The following CLIC5 variants were observed in gnomAD, a reference collection of about 807,000 sequenced individuals.
The protein encoded by CLIC5 is chloride intracellular channel protein 5.
Under a neutral mutation model 24.7 loss-of-function variants are expected in CLIC5, and 20 were observed. That is an observed-to-expected ratio of 0.81 (90% confidence interval 0.57 to 1.18). The LOEUF (loss-of-function observed/expected upper bound fraction) is 1.18. CLIC5 is among the 50% of genes most tolerant of loss of function. The pLI is 0.00. For missense variants in CLIC5, 341 were observed against 326.1 expected, an observed-to-expected ratio of 1.05 and a Z score of -0.35; for synonymous variants, 159 against 135.6, an observed-to-expected ratio of 1.17 and a Z score of -1.20.
chr6:46,052,941 G>A (rs916153150), intron 1 of CLIC5, among the ~76,000 whole-genome samples: 1 of 151,922 alleles, frequency 6.6e-6, no homozygotes, highest in Non-Finnish European at 1.5e-5. Context: ...TTATGATGTA[G>A]TACAGGACAC....
chr6:45,964,557 C>T (rs1363407708), intron 1 of CLIC5, among the ~76,000 whole-genome samples: 1 of 152,142 alleles, frequency 6.6e-6, no homozygotes, highest in African/African-American at 2.4e-5. Context: ...GGAACCTAGC[C>T]ACCATGTTGT....
At chr6:46,067,839 G>T (rs767000901) in intron 1 of CLIC5, among the ~76,000 whole-genome samples, 5 of 152,166 alleles carry the variant, frequency 3.3e-5, no homozygotes, top group Non-Finnish European at 7.4e-5. Flanking sequence ...GGCTGCCCAT[G>T]TCTGGGGGTT....
At chr6:45,965,635 C>T (rs1764992157) in intron 1 of CLIC5, among the ~76,000 whole-genome samples, 1 of 152,166 alleles carries the variant, frequency 6.6e-6, no homozygotes, top group Non-Finnish European at 1.5e-5. Context: ...CAATACAAAT[C>T]TATAGCCTCA....
Position 46,015,607 on chromosome 6 carries a change from G to A in CLIC5, c.-65C>T. 1 of 1,456,846 alleles carries A rather than the reference G, an allele frequency of 6.9e-7. No homozygotes were observed. Among genetic ancestry groups the A allele is most frequent in the Admixed American group, 2.6e-5 (1 of 37,826 alleles). 90.2% of individuals were successfully genotyped at this position (1,456,846 alleles called of 1,614,324 possible). ...CGCCACCTCTGCAGCACCTGGGCCA[G>A]CACTCTGCGCTCCTGCCGCTGCCCA... On this transcript the variant is annotated 5_prime_UTR_variant, in exon 1 of 6. Transcript: ENST00000339561.
chr6:46,108,806 T>C, the CLIC5 span, among the ~76,000 whole-genome samples: 3 of 152,190 alleles, frequency 2.0e-5, no homozygotes, highest in Non-Finnish European at 4.4e-5. Context: ...GAATGTTTTT[T>C]TTCAGTGACT....
chr6:45,952,047 T>C (rs149733273), intron 2 of CLIC5, among the ~76,000 whole-genome samples: 4 of 152,352 alleles, frequency 2.6e-5, no homozygotes, highest in Non-Finnish European at 5.9e-5. Flanking sequence ...TCCTGTTTTT[T>C]AGAGCTGACA....
the CLIC5 span, among the ~76,000 whole-genome samples, chr6:46,099,083 A>G: frequency 6.6e-6 from 1 of 152,230 alleles, no homozygotes; most frequent in Admixed American, 6.5e-5. Context: ...TTATCTTATT[A>G]GAGAAAGGGA....
chr6:46,032,271 C>T (rs1034037372), intron 1 of CLIC5, among the ~76,000 whole-genome samples: 1 of 152,144 alleles, frequency 6.6e-6, no homozygotes, highest in African/African-American at 2.4e-5. Context: ...AACTCACTCA[C>T]TATCATGGGA....
chr6:46,064,113 CT>C (rs1358074052), intron 1 of CLIC5, among the ~76,000 whole-genome samples: 1 of 151,836 alleles, frequency 6.6e-6, no homozygotes, highest in Non-Finnish European at 1.5e-5. Flanking sequence ...ATTAAAACTG[CT>C]ATATAAACAT....
chr6:45,993,259 CT>C (rs1282106276), intron 1 of CLIC5, among the ~76,000 whole-genome samples: 2 of 152,190 alleles, frequency 1.3e-5, no homozygotes, highest in East Asian at 3.8e-4. Context: ...CCATTGCAAA[CT>C]ATGAAGTTCT....
At chr6:45,946,611 C>T (rs1764297111) in intron 3 of CLIC5, among the ~76,000 whole-genome samples, 1 of 152,308 alleles carries the variant, frequency 6.6e-6, no homozygotes, top group East Asian at 1.9e-4. Flanking sequence ...CTGTCCTGCT[C>T]CAGAGGCCTG....
At chr6:46,096,789 T>G in the CLIC5 span, among the ~76,000 whole-genome samples, 3 of 152,320 alleles carry the variant, frequency 2.0e-5, no homozygotes, top group African/African-American at 7.2e-5. Flanking sequence ...CTCAAAAGCA[T>G]GATGTTGAAT....
intron 6 of CLIC5, among the ~76,000 whole-genome samples, chr6:45,890,698 G>A (rs1389015123): frequency 6.6e-6 from 1 of 152,170 alleles, no homozygotes; most frequent in Non-Finnish European, 1.5e-5. Flanking sequence ...TTTAAAAGAT[G>A]TAGTATATAA....
At position 46,025,401 on chromosome 6, in the gene CLIC5, C is replaced by T. The variant is rs543246440; in HGVS notation, c.540+54302G>A. Among the ~76,000 whole-genome samples, 10 of 152,242 alleles carry T rather than the reference C, an allele frequency of 6.6e-5. No homozygotes were observed. In the East Asian group the frequency reaches 1.9e-3, roughly 29 times the overall value. On this transcript the variant is annotated intron_variant, in intron 1 of 5. Coordinates refer to the CLIC5 transcript ENST00000185206. ...CAGTATGCGGGAGCTACTATTGTTA[C>T]CTCATTTTGCAGATGAAGAAGCTGA... is the stretch of plus-strand genomic sequence containing the variant.
intron 2 of CLIC5, among the ~76,000 whole-genome samples, 192 bp downstream of exon 2, chr6:45,954,943 T>C (rs1031544648): frequency 3.3e-5 from 5 of 152,228 alleles, no homozygotes; most frequent in African/African-American, 1.2e-4. Context: ...GTCAGTGAAG[T>C]GCTGGGCACC....
intron 1 of CLIC5, among the ~76,000 whole-genome samples, chr6:46,027,196 A>G (rs1486801602): frequency 6.6e-6 from 1 of 152,226 alleles, no homozygotes; most frequent in African/African-American, 2.4e-5. Flanking sequence ...CTAACAAAGG[A>G]ATCTGGGTAG....
At chr6:45,973,311 C>T (rs545366327) in intron 1 of CLIC5, among the ~76,000 whole-genome samples, 48 of 152,316 alleles carry the variant, frequency 3.2e-4, no homozygotes, top group African/African-American at 1.1e-3. Flanking sequence ...GCTCCTGATG[C>T]CCATGGCTGA....
chr6:46,028,079 G>A (rs1034464186), intron 1 of CLIC5, among the ~76,000 whole-genome samples: 1 of 152,184 alleles, frequency 6.6e-6, no homozygotes, highest in African/African-American at 2.4e-5. Context: ...ATGGACACAA[G>A]ACTTAATGCC....
intron 4 of CLIC5, among the ~76,000 whole-genome samples, chr6:45,930,651 G>C (rs1189203043): frequency 6.6e-6 from 1 of 152,196 alleles, no homozygotes; most frequent in Non-Finnish European, 1.5e-5. Context: ...TACAGGGAAA[G>C]CTGGGCTGCC....
Sources: gnomAD v4.1 joint callset for allele counts (sites outside exome capture counted in the v4.1 genomes callset) on GRCh38, gnomAD v4.1.1 for gene constraint, MANE v1.5 for transcripts, NCBI Gene and HGNC (gene_info 2026-07-23, HGNC 2026-07-21) for gene names.